Variants in SOS1 observed in about 807,000 individuals in gnomAD.
The protein encoded by SOS1 is SOS Ras/Rac guanine nucleotide exchange factor 1, also known as son of sevenless homolog 1.
Under a neutral mutation model 157.6 loss-of-function variants are expected in SOS1, and 25 were observed. The ratio of observed to expected loss-of-function variants is 0.16; its 90% confidence interval spans 0.12 to 0.22. The LOEUF is 0.22. SOS1 is among the 10% of genes least tolerant of loss of function. The pLI, the probability that SOS1 is intolerant of heterozygous loss-of-function variation, is 1.00. For missense variants in SOS1, 1,237 were observed against 1,599.1 expected (o/e 0.77, Z 3.86); for synonymous variants, 528 against 534.0 (o/e 0.99, Z 0.16).
chr2:39,002,731 AG>A (rs1310048062), intron 17 of SOS1, among the ~76,000 whole-genome samples: 1 of 152,114 alleles, frequency 6.6e-6, no homozygotes, highest in African/African-American at 2.4e-5. Flanking sequence ...ATATTTTTCC[AG>A]GAAGAGAAAA....
chr2:39,060,350 CAAATG>C (rs1671357414), intron 2 of SOS1, among the ~76,000 whole-genome samples: 1 of 152,208 alleles, frequency 6.6e-6, no homozygotes, highest in South Asian at 2.1e-4. Flanking sequence ...CACACATACT[CAAATG>C]AAACAGTTTC....
chr2:39,109,199 G>A (rs1001288738), intron 1 of SOS1, among the ~76,000 whole-genome samples: 2 of 151,828 alleles, frequency 1.3e-5, no homozygotes, highest in Admixed American at 6.6e-5. Context: ...AACTTGTCTC[G>A]AAAAAATAAA....
At position 38,985,802 on chromosome 2, in the gene SOS1, A is replaced by G. The variant is rs1668538309; in HGVS notation, c.*22T>C. The G allele has an allele frequency of 3.1e-6, 5 of 1,613,510 alleles. No homozygotes were observed. Among genetic ancestry groups the G allele is most frequent in the Non-Finnish European group, 4.2e-6 (5 of 1,179,658 alleles). On this transcript the variant is annotated 3_prime_UTR_variant, in exon 23 of 23. Transcript: ENST00000402219. ...GCAATGGATTTGGGGCTAGGAAAAT[A>G]TACATCCCAGTACAGAGGAACTCAG...
At chr2:39,095,555 C>T (rs1426774319) in intron 1 of SOS1, among the ~76,000 whole-genome samples, 1 of 152,178 alleles carries the variant, frequency 6.6e-6, no homozygotes, top group Non-Finnish European at 1.5e-5. Flanking sequence ...GTGTTTGAGA[C>T]ACTGAAATAA....
At chr2:39,093,492 T>C (rs183015546) in intron 1 of SOS1, among the ~76,000 whole-genome samples, 3 of 152,290 alleles carry the variant, frequency 2.0e-5, no homozygotes, top group East Asian at 3.9e-4. Flanking sequence ...TATAAGCAGT[T>C]CTGTTCAGAG....
chr2:39,014,033 G>T, intron 11 of SOS1, 44 bp from the exon 12 acceptor site: 3 of 1,457,782 alleles, frequency 2.1e-6, no homozygotes, highest in South Asian at 1.2e-5. Flanking sequence ...TAATTATATC[G>T]AGTTATACAA....
intron 1 of SOS1, among the ~76,000 whole-genome samples, chr2:39,104,526 G>T (rs534419711): frequency 6.6e-6 from 1 of 152,240 alleles, no homozygotes; most frequent in South Asian, 2.1e-4. Flanking sequence ...AAATATTGCA[G>T]GTTCTGTGAA....
intron 1 of SOS1, among the ~76,000 whole-genome samples, chr2:39,101,976 G>A (rs1188070830): frequency 6.6e-6 from 1 of 151,878 alleles, no homozygotes; most frequent in African/African-American, 2.4e-5. Context: ...GGGAGGCTGA[G>A]GTGGGCGGAT....
chr2:39,079,547 T>C (rs900147708), intron 1 of SOS1, among the ~76,000 whole-genome samples: 1 of 121,510 alleles, frequency 8.2e-6, no homozygotes, highest in Admixed American at 1.2e-4. Flanking sequence ...CAGGTTGGAG[T>C]GTAGTAGTGT....
At chr2:38,986,364 G>GTA in intron 22 of SOS1, 49 bp from the exon 23 acceptor site, 11 of 1,498,376 alleles carry the variant, frequency 7.3e-6, no homozygotes, top group Non-Finnish European at 1.0e-5. Context: ...AATTTATGAA[G>GTA]TATCATGACT....
rs141545507 is a variant in SOS1 at position 39,043,406 on chromosome 2, G to A, written c.864+7738C>T. On this transcript the variant is annotated intron_variant, in intron 6 of 22. Coordinates refer to ENST00000402219, the MANE Select transcript of SOS1 (RefSeq NM_005633.4). ...GTCTCATAGTTTTTTCTTTACTGTC[G>A]TTATGTAGTTTTGATAATGTATTCA... 6.0e-4 allele frequency among the ~76,000 whole-genome samples: 91 copies of A among 151,940 alleles called. 1 individual carries two copies. The East Asian group carries it at 0.011, about 18-fold the overall frequency.
chr2:39,009,964 C>G (rs943839971), intron 15 of SOS1, among the ~76,000 whole-genome samples: 1 of 152,034 alleles, frequency 6.6e-6, no homozygotes, highest in African/African-American at 2.4e-5. Flanking sequence ...TCATTTTCAT[C>G]AACACTCAAT....
At chr2:39,065,880 T>C (rs757674523) in intron 2 of SOS1, among the ~76,000 whole-genome samples, 10 of 152,186 alleles carry the variant, frequency 6.6e-5, no homozygotes, top group Non-Finnish European at 1.5e-4. Context: ...GCTTACATTC[T>C]AGTAGGGAAA....
At chr2:39,101,694 T>C (rs1443198757) in intron 1 of SOS1, among the ~76,000 whole-genome samples, 2 of 131,604 alleles carry the variant, frequency 1.5e-5, no homozygotes, top group Non-Finnish European at 2.9e-5. Context: ...CTCCATAAAA[T>C]GCTTGACAAA....
At chr2:39,027,143 A>G (rs1669989829) in intron 8 of SOS1, among the ~76,000 whole-genome samples, 1 of 152,218 alleles carries the variant, frequency 6.6e-6, no homozygotes, top group Middle Eastern at 3.2e-3. Context: ...TACATTTTTT[A>G]TATTTTTAAT....
chr2:39,098,480 T>G (rs772581010), intron 1 of SOS1: 1 of 153,740 alleles, frequency 6.5e-6, no homozygotes, highest in Non-Finnish European at 1.4e-5. Context: ...TCTACTCTCC[T>G]AAATTAACTA....
intron 1 of SOS1, among the ~76,000 whole-genome samples, chr2:39,096,390 CAT>C (rs1431837776): frequency 1.3e-5 from 2 of 152,176 alleles, no homozygotes; most frequent in South Asian, 2.1e-4. Flanking sequence ...TCTTCTTTCT[CAT>C]ATGTTTTAAG....
chr2:39,049,346 T>G (rs1670917434), intron 6 of SOS1, among the ~76,000 whole-genome samples: 1 of 151,366 alleles, frequency 6.6e-6, no homozygotes, highest in South Asian at 2.1e-4. Flanking sequence ...GCAAATGTTA[T>G]ACTACATGAG....
chr2:39,067,783 G>T lies in SOS1; in HGVS notation c.88-30C>A, dbSNP rs757462111. 10 of 1,603,494 alleles carry T rather than the reference G, an allele frequency of 6.2e-6. No individual in the cohort carries two copies. The East Asian group carries it at 1.6e-4, about 25-fold the overall frequency. On this transcript the variant is annotated intron_variant, in intron 1 of 22. Coordinates refer to ENST00000402219, the MANE Select transcript of SOS1 (RefSeq NM_005633.4). ...AAACAAAAAGCAAAGTAATTAAAAT[G>T]TGGGTTCCATATCATTAAACAAATT...
Sources: allele counts gnomAD v4.1 joint callset (sites outside exome capture counted in the v4.1 genomes callset), GRCh38; gene constraint gnomAD v4.1.1; transcripts MANE v1.5; gene names NCBI Gene and HGNC (gene_info 2026-07-23, HGNC 2026-07-21).